NHERF4: variants seen among roughly 807,000 people sequenced by gnomAD.
NHERF4 encodes the protein NHERF family PDZ scaffold protein 4.
At chr11:119,186,562 C>A in the NHERF4 span, 1 of 1,614,174 alleles carries the variant, frequency 6.2e-7, no homozygotes, top group South Asian at 1.1e-5. This position sits in a 1 kb window ranked among gnomAD's most constrained non-coding sequence, Gnocchi z 4.4. Flanking sequence ...GCAGCAGGAG[C>A]TGGGCAGGGC....
chr11:119,186,007 G>A, the NHERF4 span: 40 of 1,613,898 alleles, frequency 2.5e-5, no homozygotes, highest in Middle Eastern at 5.0e-4. The surrounding 1 kb of genome is among the most constrained non-coding windows in gnomAD (Gnocchi z 4.4). Flanking sequence ...GCAGCGAAGC[G>A]CTTCACTGCC....
the NHERF4 span, chr11:119,188,187 G>T: frequency 6.6e-7 from 1 of 1,515,484 alleles, no homozygotes. Flanking sequence ...GTGGGCCTTG[G>T]GGTGGGCACA....
At chr11:119,188,598 G>A in the NHERF4 span, 1 of 1,610,588 alleles carries the variant, frequency 6.2e-7, no homozygotes, top group Non-Finnish European at 8.5e-7. Flanking sequence ...GAGTGGGGCA[G>A]GGCTGAGGTC....
chr11:119,187,958 C>A, the NHERF4 span: 1,261 of 1,571,054 alleles, frequency 8.0e-4, 15 homozygotes, highest in South Asian at 9.1e-3. Context: ...GAGTGGACAG[C>A]AGGTGACCTT....
the NHERF4 span, chr11:119,189,072 G>A: frequency 9.3e-6 from 15 of 1,613,988 alleles, no homozygotes; most frequent in South Asian, 2.2e-5. This position sits in a 1 kb window ranked among gnomAD's most constrained non-coding sequence, Gnocchi z 5.8. Flanking sequence ...GAAGTGAACG[G>A]GTATCCTGTT....
At chr11:119,188,177 G>C in the NHERF4 span, 1 of 1,517,432 alleles carries the variant, frequency 6.6e-7, no homozygotes, top group East Asian at 2.5e-5. Context: ...GTGGGGGAAG[G>C]TGGGCCTTGG....
At chr11:119,189,709 G>C in the NHERF4 span, 1 of 597,308 alleles carries the variant, frequency 1.7e-6, no homozygotes, top group African/African-American at 1.9e-5. This position sits in a 1 kb window ranked among gnomAD's most constrained non-coding sequence, Gnocchi z 5.8. Flanking sequence ...GGAGTCTGAG[G>C]CTCCAGAGGA....
the NHERF4 span, chr11:119,187,779 C>T: frequency 4.8e-6 from 7 of 1,461,414 alleles, no homozygotes; most frequent in Non-Finnish European, 6.3e-6. Context: ...CTTCCCCATG[C>T]GCCTAACCTC....
the NHERF4 span, chr11:119,189,448 CCT>C: frequency 1.2e-6 from 2 of 1,613,926 alleles, no homozygotes; most frequent in Non-Finnish European, 1.7e-6. The surrounding 1 kb of genome is among the most constrained non-coding windows in gnomAD (Gnocchi z 5.8). Context: ...CCTTCTACCT[CCT>C]CTCTCTGTAT....
At chr11:119,188,486 C>T in the NHERF4 span, 4 of 1,609,634 alleles carry the variant, frequency 2.5e-6, no homozygotes, top group South Asian at 3.3e-5. Context: ...GTCCAGGATC[C>T]AGGGGCAGGG....
chr11:119,186,439 C>T, the NHERF4 span: 4 of 1,608,682 alleles, frequency 2.5e-6, no homozygotes, highest in East Asian at 6.7e-5. The surrounding 1 kb of genome is among the most constrained non-coding windows in gnomAD (Gnocchi z 4.4). Context: ...TGGGCTGTGC[C>T]CTCTCCTCCC....
At chr11:119,188,338 G>C in the NHERF4 span, 1 of 1,613,534 alleles carries the variant, frequency 6.2e-7, no homozygotes, top group Non-Finnish European at 8.5e-7. Context: ...GGAGCAGTGA[G>C]GATGTCTATG....
chr11:119,189,783 G>C, the NHERF4 span: 3 of 514,680 alleles, frequency 5.8e-6, no homozygotes, highest in South Asian at 4.4e-5. The surrounding 1 kb of genome is among the most constrained non-coding windows in gnomAD (Gnocchi z 5.8). Context: ...GGTCTGGCTA[G>C]GATTGAAGCC....
the NHERF4 span, chr11:119,185,685 C>T: frequency 3.9e-6 from 3 of 769,260 alleles, no homozygotes; most frequent in Admixed American, 4.2e-5. Context: ...TGGTCCACAC[C>T]CTGTACTGAT....
At chr11:119,189,296 A>G in the NHERF4 span, 1 of 1,501,098 alleles carries the variant, frequency 6.7e-7, no homozygotes, top group Non-Finnish European at 9.1e-7. This position sits in a 1 kb window ranked among gnomAD's most constrained non-coding sequence, Gnocchi z 5.8. Flanking sequence ...GTACAAGGTG[A>G]AGCCGTGTGG....
the NHERF4 span, chr11:119,189,089 C>T: frequency 1.3e-5 from 21 of 1,613,990 alleles, no homozygotes; most frequent in Non-Finnish European, 1.6e-5. The surrounding 1 kb of genome is among the most constrained non-coding windows in gnomAD (Gnocchi z 5.8). Flanking sequence ...TGTTGGGGGA[C>T]AGAATGACCT....
At chr11:119,190,018 G>T in the NHERF4 span, 1 of 423,652 alleles carries the variant, frequency 2.4e-6, no homozygotes, top group East Asian at 4.0e-5. The surrounding 1 kb of genome is among the most constrained non-coding windows in gnomAD (Gnocchi z 4.2). Context: ...AGGGCCTCAG[G>T]CTCAAGGGGT....
chr11:119,185,691 C>A, the NHERF4 span: 5 of 765,760 alleles, frequency 6.5e-6, no homozygotes, highest in South Asian at 1.6e-5. Context: ...ACACCCTGTA[C>A]TGATATGCTC....
At chr11:119,186,187 A>AGGC in the NHERF4 span, 3 of 1,613,950 alleles carry the variant, frequency 1.9e-6, no homozygotes, top group African/African-American at 4.0e-5. The surrounding 1 kb of genome is among the most constrained non-coding windows in gnomAD (Gnocchi z 4.4). Context: ...ACCCCCTGGC[A>AGGC]ACCATTCCCT....
Sources: gnomAD v4.1 joint callset for allele counts on GRCh38, gnomAD v4.1.1 for gene constraint, Gnocchi (gnomAD v3.1) non-coding constraint, MANE v1.5 for transcripts, NCBI Gene and HGNC (gene_info 2026-07-23, HGNC 2026-07-21) for gene names.